Variants in MGAT3 observed in about 807,000 individuals in gnomAD.
MGAT3 encodes beta-1,4-mannosyl-glycoprotein 4-beta-N-acetylglucosaminyltransferase, also known as GlcNAc-T III.
Under a neutral mutation model 29.8 loss-of-function variants are expected in MGAT3, and 9 were observed. The observed-to-expected ratio is 0.30, with a 90% CI of 0.18 to 0.53. MGAT3 has a LOEUF of 0.53. Among genes scored for constraint, MGAT3 ranks in the 20% least tolerant of loss-of-function variants. The pLI is 0.96. For synonymous variants in MGAT3, 397 were observed against 348.9 expected, an observed-to-expected ratio of 1.14 and a Z score of -1.54; for missense variants, 557 against 769.5, an observed-to-expected ratio of 0.72 and a Z score of 3.27.
At position 39,474,419 on chromosome 22, in the gene MGAT3, C is replaced by T. The variant is rs558349051; in HGVS notation, c.-1-12928C>T. ...CTGAAACTCTGAGAAGCCCCAAGGC[C>T]GCAGGTGGGTGTGGACTCTGCTGCT... On this transcript the variant is annotated intron_variant, in intron 1 of 1. Transcript: ENST00000341184. 2.8e-4 allele frequency among the ~76,000 whole-genome samples: 42 copies of T among 152,282 alleles called. 1 individual carries two copies. Among genetic ancestry groups the T allele is most frequent in the East Asian group, 9.7e-4 (5 of 5,180 alleles).
intron 1 of MGAT3, among the ~76,000 whole-genome samples, chr22:39,472,549 C>T (rs1663666542): frequency 6.6e-6 from 1 of 152,094 alleles, no homozygotes; most frequent in Non-Finnish European, 1.5e-5. Context: ...GACAGGCTCT[C>T]CACCTGTAAA....
At chr22:39,484,355 C>T (rs183574917) in intron 1 of MGAT3, among the ~76,000 whole-genome samples, 4 of 151,900 alleles carry the variant, frequency 2.6e-5, no homozygotes, top group African/African-American at 9.7e-5. Flanking sequence ...TGATTAGGAG[C>T]CTTGTTTTTT....
At chr22:39,486,428 C>T (rs1168380298) in intron 1 of MGAT3, among the ~76,000 whole-genome samples, 2 of 152,168 alleles carry the variant, frequency 1.3e-5, no homozygotes, top group Non-Finnish European at 1.5e-5. Flanking sequence ...TAGGCGTGAG[C>T]CACTGCACTG....
At chr22:39,472,122 G>T (rs1229159781) in intron 1 of MGAT3, among the ~76,000 whole-genome samples, 5 of 152,164 alleles carry the variant, frequency 3.3e-5, no homozygotes, top group Admixed American at 1.3e-4. Flanking sequence ...AGGAATGAAT[G>T]CCTTGCTAAG....
At chr22:39,467,229 G>T (rs1286520058) in intron 1 of MGAT3, among the ~76,000 whole-genome samples, 1 of 152,228 alleles carries the variant, frequency 6.6e-6, no homozygotes, top group Non-Finnish European at 1.5e-5. Flanking sequence ...CTGACATGAA[G>T]TCTTTGCCCT....
At chr22:39,464,113 C>T (rs1012272429) in intron 1 of MGAT3, among the ~76,000 whole-genome samples, 16 of 152,016 alleles carry the variant, frequency 1.1e-4, no homozygotes, top group African/African-American at 3.9e-4. Context: ...ACCGCGCTCA[C>T]CCCTGCCCCA....
intron 1 of MGAT3, among the ~76,000 whole-genome samples, chr22:39,465,971 G>A (rs1343136838): frequency 6.6e-6 from 1 of 151,566 alleles, no homozygotes; most frequent in Non-Finnish European, 1.5e-5. Context: ...GCCTGATAGA[G>A]CAAAATGCGC....
intron 1 of MGAT3, among the ~76,000 whole-genome samples, chr22:39,464,204 C>G (rs139044273): frequency 1.4e-4 from 21 of 152,300 alleles, no homozygotes; most frequent in African/African-American, 5.1e-4. Context: ...GCATGATGCC[C>G]AGAGCTTGCC....
intron 1 of MGAT3, among the ~76,000 whole-genome samples, chr22:39,482,725 G>C (rs1929161568): frequency 6.6e-6 from 1 of 152,230 alleles, no homozygotes; most frequent in African/African-American, 2.4e-5. Flanking sequence ...AGAAAATGCT[G>C]TCTGTGAGGT....
At chr22:39,480,768 G>T (rs116762228) in intron 1 of MGAT3, among the ~76,000 whole-genome samples, 388 of 152,344 alleles carry the variant, frequency 2.5e-3, no homozygotes, top group African/African-American at 9.0e-3. Context: ...CCCCAGGTCT[G>T]CCAGATAGGG....
At chr22:39,481,723 C>T (rs1878230012) in intron 1 of MGAT3, among the ~76,000 whole-genome samples, 1 of 152,204 alleles carries the variant, frequency 6.6e-6, no homozygotes, top group Admixed American at 6.5e-5. Context: ...GACAGCTTTA[C>T]CACTGGATAC....
chr22:39,458,604 C>G (rs1928410072), intron 1 of MGAT3, among the ~76,000 whole-genome samples: 1 of 152,072 alleles, frequency 6.6e-6, no homozygotes, highest in South Asian at 2.1e-4. Context: ...CTAAGGAGTG[C>G]TAAGGGGAGC....
In MGAT3 at chr22:39,457,973, C is replaced by T. The variant is rs955923333; in HGVS notation, c.-2+416C>T. Among the ~76,000 whole-genome samples the T allele has an allele frequency of 6.6e-6, 1 of 151,938 alleles. No homozygotes were observed. Among genetic ancestry groups the T allele is most frequent in the Non-Finnish European group, 1.5e-5 (1 of 67,948 alleles). ...CTGGGGTGGGAGGCCTCCGCGCCCGCCTTCCCCACCCCCGACCCCAGACTG... is the reference window on the plus strand; with the variant it reads ...CTGGGGTGGGAGGCCTCCGCGCCCGTCTTCCCCACCCCCGACCCCAGACTG... On this transcript the variant is annotated intron_variant, in intron 1 of 1. Coordinates refer to ENST00000341184, the MANE Select transcript of MGAT3 (RefSeq NM_002409.5). This position sits in a 1 kb window ranked among gnomAD's most constrained non-coding sequence, Gnocchi z 6.8.
At chr22:39,469,305 G>C (rs1928743981) in intron 1 of MGAT3, among the ~76,000 whole-genome samples, 1 of 152,138 alleles carries the variant, frequency 6.6e-6, no homozygotes, top group Admixed American at 6.5e-5. Context: ...AGGTTGTTGG[G>C]ACAGCGATTT....
At position 39,488,994 on chromosome 22, in the gene MGAT3, C is replaced by T. The variant is rs780420867; in HGVS notation, c.*45C>T. 2.0e-5 allele frequency: 29 copies of T among 1,446,656 alleles called. No individual in the cohort carries two copies. Among genetic ancestry groups the T allele is most frequent in the Admixed American group, 1.1e-4 (5 of 46,994 alleles). The allele number at this position is 1,446,656 out of a possible 1,614,324, so 89.6% of individuals were successfully genotyped here. A position where few individuals can be genotyped will look rare whatever the true frequency, so the allele number is the denominator to read the frequency against. Reference sequence around the variant, plus strand: ...GTTTGTGACAGGGCGGGGGTGGCGGCGGCCCCTAGCGCTATCTCCCTGCCT... The same window carrying T: ...GTTTGTGACAGGGCGGGGGTGGCGGTGGCCCCTAGCGCTATCTCCCTGCCT... On this transcript the variant is annotated 3_prime_UTR_variant, in exon 2 of 2. Coordinates refer to ENST00000341184, the MANE Select transcript of MGAT3 (RefSeq NM_002409.5).
chr22:39,470,297 A>G (rs1436096190), intron 1 of MGAT3, among the ~76,000 whole-genome samples: 1 of 152,218 alleles, frequency 6.6e-6, no homozygotes, highest in Non-Finnish European at 1.5e-5. Flanking sequence ...GAGTGGCATC[A>G]GAGCATGCAG....
At chr22:39,477,019 A>G (rs1440765603) in intron 1 of MGAT3, among the ~76,000 whole-genome samples, 1 of 152,086 alleles carries the variant, frequency 6.6e-6, no homozygotes, top group African/African-American at 2.4e-5. Context: ...GGGATCCTGA[A>G]ACCTCAAGCT....
intron 1 of MGAT3, among the ~76,000 whole-genome samples, chr22:39,464,445 C>CTT (rs895597295): frequency 6.8e-6 from 1 of 146,734 alleles, no homozygotes; most frequent in Non-Finnish European, 1.5e-5. Flanking sequence ...TATTTCTTGT[C>CTT]TTTTTTTTTT....
chr22:39,482,811 C>G (rs926076872), intron 1 of MGAT3, among the ~76,000 whole-genome samples: 1 of 152,274 alleles, frequency 6.6e-6, no homozygotes, highest in East Asian at 1.9e-4. Context: ...GAAACATGCC[C>G]AGATCCTTGA....
Sources: allele counts gnomAD v4.1 joint callset (sites outside exome capture counted in the v4.1 genomes callset), GRCh38; gene constraint gnomAD v4.1.1; non-coding constraint Gnocchi (gnomAD v3.1); transcripts MANE v1.5; gene names NCBI Gene and HGNC (gene_info 2026-07-23, HGNC 2026-07-21).